Variants in TMEM74B observed in about 807,000 individuals in gnomAD.
The protein encoded by TMEM74B is transmembrane protein C20orf46.
In TMEM74B, 7 loss-of-function variants were observed where a neutral mutation model predicts 6.5. The ratio of observed to expected loss-of-function variants is 1.07; its 90% CI spans 0.61 to 2.01. The LOEUF (loss-of-function observed/expected upper bound fraction) is 2.01, where lower values mean the gene tolerates loss of function less well. TMEM74B is among the 30% of genes most tolerant of loss of function. The pLI, the probability that TMEM74B is intolerant of heterozygous loss-of-function variation, is 0.00. For missense variants in TMEM74B, 342 were observed against 337.0 expected (o/e 1.01, Z -0.12); for synonymous variants, 151 against 151.6 (o/e 1.00, Z 0.03).
chr20:1,185,899 G>A (rs559761978), upstream of TMEM74B, among the ~76,000 whole-genome samples: 183 of 151,290 alleles, frequency 1.2e-3, 1 homozygote, highest in African/African-American at 4.1e-3. Context: ...GGTCTCCTCG[G>A]GCGCTTGCGG....
intron 2 of TMEM74B, 84 bp downstream of exon 2, chr20:1,183,687 T>C: frequency 2.0e-6 from 3 of 1,520,186 alleles, no homozygotes; most frequent in South Asian, 2.3e-5. Flanking sequence ...TCATAAAACA[T>C]GGCCAAGATC....
At chr20:1,186,977 T>C (rs79597391), upstream of TMEM74B, among the ~76,000 whole-genome samples, 9,851 of 152,326 alleles carry the variant, frequency 0.065, 429 homozygotes, top group East Asian at 0.13. Context: ...GGAAGTGTTA[T>C]GGGAATGGGA....
At chr20:1,186,518 C>A (rs1379392856), upstream of TMEM74B, 1 of 151,900 alleles carries the variant, frequency 6.6e-6, no homozygotes, top group Non-Finnish European at 1.5e-5. Context: ...GGCCTCTGAG[C>A]CTGTATCCAC....
At chr20:1,189,301 C>G (rs1220885949), upstream of TMEM74B, 1 of 151,990 alleles carries the variant, frequency 6.6e-6, no homozygotes, top group Non-Finnish European at 1.5e-5. This position sits in a 1 kb window ranked among gnomAD's most constrained non-coding sequence, Gnocchi z 4.5. Context: ...ACGATAGGAA[C>G]CTAAAAAGAC....
chr20:1,180,771 AG>A lies in TMEM74B; in HGVS notation c.*76del. ...CAGTTTAAAACCCCAGGGCCTTGGC[AG>A]GGGTCAGGTGGGCGGGAGCAGGGGG... On this transcript the variant is annotated 3_prime_UTR_variant, in exon 3 of 3. Coordinates refer to ENST00000429036, the MANE Select transcript of TMEM74B (RefSeq NM_001304748.2). The surrounding 1 kb of genome is among the most constrained non-coding windows in gnomAD (Gnocchi z 6.1). 4 of 1,506,170 alleles carry A rather than the reference AG, an allele frequency of 2.7e-6. No individual in the cohort carries two copies. The highest frequency in any genetic ancestry group is 2.3e-5 in the East Asian group (1 of 43,648). The allele number at this position is 1,506,170 out of a possible 1,614,324, so 93.3% of individuals were successfully genotyped here. A position where few individuals can be genotyped will look rare whatever the true frequency, so the allele number is the denominator to read the frequency against.
chr20:1,187,056 C>T (rs966681975), upstream of TMEM74B, among the ~76,000 whole-genome samples: 2 of 152,172 alleles, frequency 1.3e-5, no homozygotes, highest in African/African-American at 2.4e-5. Flanking sequence ...TCAGCCTTTG[C>T]GCTGGCTGTT....
At chr20:1,182,435 G>C (rs2086896190) in intron 2 of TMEM74B, among the ~76,000 whole-genome samples, 1 of 151,802 alleles carries the variant, frequency 6.6e-6, no homozygotes, top group Non-Finnish European at 1.5e-5. Flanking sequence ...AGCTGGAGCA[G>C]GAAGTGCCTC....
chr20:1,181,627 T>A lies in TMEM74B; in HGVS notation c.32-40A>T, dbSNP rs773485207. 1.4e-6 allele frequency: 2 copies of A among 1,439,380 alleles called. No individual in the cohort carries two copies. Among genetic ancestry groups the A allele is most frequent in the Admixed American group, 5.4e-5 (2 of 37,368 alleles). 89.2% of individuals were successfully genotyped at this position (1,439,380 alleles called of 1,614,324 possible). ...AGAAAGTCAGTTGAATGTAGCAACC[T>A]CTCCCTGTTGTGGAGGACATCATAC... On this transcript the variant is annotated intron_variant, in intron 2 of 2. Transcript: ENST00000429036. This position sits in a 1 kb window ranked among gnomAD's most constrained non-coding sequence, Gnocchi z 4.9.
chr20:1,183,689 G>T, intron 2 of TMEM74B, 82 bp downstream of exon 2: 2 of 1,534,300 alleles, frequency 1.3e-6, no homozygotes, highest in Non-Finnish European at 1.8e-6. Context: ...ATAAAACATG[G>T]CCAAGATCCC....
chr20:1,187,417 A>G (rs2122700772), upstream of TMEM74B, among the ~76,000 whole-genome samples: 1 of 152,278 alleles, frequency 6.6e-6, no homozygotes, highest in East Asian at 1.9e-4. Context: ...AACAGAGAAA[A>G]TGGGCAAATA....
chr20:1,188,505 CAT>C (rs1179630108), upstream of TMEM74B, among the ~76,000 whole-genome samples: 3 of 148,932 alleles, frequency 2.0e-5, no homozygotes, highest in East Asian at 2.0e-4. Flanking sequence ...ACTACACACA[CAT>C]GCCACACACA....
upstream of TMEM74B, chr20:1,189,053 C>G (rs2087049358): frequency 1.3e-5 from 2 of 152,140 alleles, no homozygotes; most frequent in Admixed American, 6.5e-5. The surrounding 1 kb of genome is among the most constrained non-coding windows in gnomAD (Gnocchi z 4.5). Context: ...ACGTGATGAC[C>G]TCAGCCAGGT....
upstream of TMEM74B, among the ~76,000 whole-genome samples, chr20:1,187,946 G>A (rs570558427): frequency 6.6e-6 from 1 of 152,224 alleles, no homozygotes; most frequent in East Asian, 1.9e-4. Flanking sequence ...ATGAGAATTT[G>A]ACCTTTGGAA....
rs1169104649 is a variant in TMEM74B, at chr20:1,184,487, A to G, written c.-333T>C. 6.6e-6 allele frequency: 1 copy of G among 152,486 alleles called. No individual in the cohort carries two copies. 9.4% of individuals were successfully genotyped at this position (152,486 alleles called of 1,614,324 possible). A position where few individuals can be genotyped will look rare whatever the true frequency, so the allele number is the denominator to read the frequency against. ...TCATCTGCAGTCAGACAGGTCCTGA[A>G]AGGAACACTCCAGTTCCACACACAC... On this transcript the variant is annotated 5_prime_UTR_variant, in exon 1 of 3. Transcript: ENST00000429036. The surrounding 1 kb of genome is among the most constrained non-coding windows in gnomAD (Gnocchi z 6.0).
At chr20:1,183,716 G>C in intron 2 of TMEM74B, 55 bp downstream of exon 2, 3 of 1,599,244 alleles carry the variant, frequency 1.9e-6, no homozygotes, top group Non-Finnish European at 1.7e-6. Flanking sequence ...TGTATGGGAG[G>C]GTGGAGGACA....
rs1272077086 is a variant in TMEM74B, at chr20:1,183,886, C to T, written c.-85G>A. The T allele has an allele frequency of 6.5e-7, 1 of 1,536,266 alleles. No homozygotes were observed. Among genetic ancestry groups the T allele is most frequent in the Non-Finnish European group, 8.9e-7 (1 of 1,120,208 alleles). ...GCTGTTTATCAGCAACCGTGAGCACCTTGAGAGCAGGCATAAGTTTGAATT... is the reference window on the plus strand; with the variant it reads ...GCTGTTTATCAGCAACCGTGAGCACTTTGAGAGCAGGCATAAGTTTGAATT... On this transcript the variant is annotated 5_prime_UTR_variant, in exon 2 of 3. Transcript: ENST00000429036.
At chr20:1,186,770 A>C (rs1050572615), upstream of TMEM74B, among the ~76,000 whole-genome samples, 1 of 152,138 alleles carries the variant, frequency 6.6e-6, no homozygotes, top group African/African-American at 2.4e-5. Context: ...AGCCCTAGGC[A>C]GGTCCACCAG....
chr20:1,181,782 C>T lies in TMEM74B; in HGVS notation c.32-195G>A, dbSNP rs541886489. 1.8e-4 allele frequency among the ~76,000 whole-genome samples: 27 copies of T among 152,308 alleles called. No individual in the cohort carries two copies. The highest frequency in any genetic ancestry group is 1.2e-3 in the East Asian group (6 of 5,180). ...CCAAGCCCAGATCCCACTCTACCAC[C>T]GGGTGGGGTATGGCTGTGGGCAATT... is the stretch of plus-strand genomic sequence containing the variant. On this transcript the variant is annotated intron_variant, in intron 2 of 2. Transcript: ENST00000429036. The surrounding 1 kb of genome is among the most constrained non-coding windows in gnomAD (Gnocchi z 4.9).
intron 2 of TMEM74B, among the ~76,000 whole-genome samples, chr20:1,182,750 T>C (rs185181239): frequency 2.8e-4 from 43 of 152,226 alleles, no homozygotes; most frequent in African/African-American, 9.6e-4. Context: ...AGACAGCACA[T>C]GTGCATTCCC....
Sources: allele counts gnomAD v4.1 joint callset (sites outside exome capture counted in the v4.1 genomes callset), GRCh38; gene constraint gnomAD v4.1.1; non-coding constraint Gnocchi (gnomAD v3.1); transcripts MANE v1.5; gene names NCBI Gene and HGNC (gene_info 2026-07-23, HGNC 2026-07-21).